GABRG2: variants seen among roughly 807,000 people sequenced by gnomAD.
GABRG2 encodes the protein gamma-aminobutyric acid type A receptor subunit gamma2.
GABRG2 carries 16 observed loss-of-function variants against 56.4 expected under a neutral mutation model. The ratio of observed to expected loss-of-function variants is 0.28; its 90% CI spans 0.19 to 0.43. GABRG2 has a LOEUF of 0.43. GABRG2 is among the 20% of genes least tolerant of loss of function. The pLI, the probability that GABRG2 is intolerant of heterozygous loss-of-function variation, is 1.00. For missense variants in GABRG2, 327 were observed against 582.7 expected, an observed-to-expected ratio of 0.56 and a Z score of 4.52; for synonymous variants, 208 against 205.5, an observed-to-expected ratio of 1.01 and a Z score of -0.10.
chr5:162,114,428 A>G (rs553037619), intron 6 of GABRG2, among the ~76,000 whole-genome samples: 7 of 152,028 alleles, frequency 4.6e-5, no homozygotes, highest in Non-Finnish European at 8.8e-5. Flanking sequence ...ATAAAAGATA[A>G]TGGGAGGCTG....
intron 6 of GABRG2, among the ~76,000 whole-genome samples, chr5:162,140,716 A>G (rs1484708953): frequency 1.3e-5 from 2 of 152,242 alleles, no homozygotes; most frequent in African/African-American, 2.4e-5. Flanking sequence ...TTCATCTCAC[A>G]TTGTGAGTGC....
chr5:162,149,451 A>G (rs1765202351), intron 8 of GABRG2, 138 bp downstream of exon 8: 4 of 782,746 alleles, frequency 5.1e-6, no homozygotes, highest in Non-Finnish European at 8.8e-6. Context: ...TAGCCAGGCC[A>G]TAACGATTCA....
In GABRG2 at chr5:162,154,096, C is replaced by G. The variant is rs1305466300; in HGVS notation, c.*728C>G. 1 of 152,376 alleles carries G rather than the reference C, an allele frequency of 6.6e-6. No individual in the cohort carries two copies. The highest frequency in any genetic ancestry group is 1.5e-5 in the Non-Finnish European group (1 of 68,170). The allele number at this position is 152,376 out of a possible 1,614,324, so 9.4% of individuals were successfully genotyped here. On this transcript the variant is annotated 3_prime_UTR_variant, in exon 10 of 10. Coordinates refer to ENST00000639213, the MANE Select transcript of GABRG2 (RefSeq NM_198904.4). ...GAGGAATTTTCATTGCCTTCTCCCT[C>G]ATGCATGAAGATTCGAACAGCTTAT...
chr5:162,109,424 T>TATATA (rs1581377391), intron 6 of GABRG2, among the ~76,000 whole-genome samples: 22 of 87,734 alleles, frequency 2.5e-4, no homozygotes, highest in East Asian at 2.4e-3. Flanking sequence ...ATATATATAT[T>TATATA]TATTTATATA....
intron 2 of GABRG2, chr5:162,094,598 C>G (rs1760861322): frequency 6.5e-6 from 1 of 154,138 alleles, no homozygotes; most frequent in Non-Finnish European, 1.4e-5. Context: ...GGCACACTCG[C>G]TTTTGTATAT....
At chr5:162,076,457 C>G (rs1249990605) in intron 1 of GABRG2, among the ~76,000 whole-genome samples, 2 of 151,944 alleles carry the variant, frequency 1.3e-5, no homozygotes, top group African/African-American at 2.4e-5. Context: ...GGTAGAGGTC[C>G]CTGAATTTTG....
intron 6 of GABRG2, among the ~76,000 whole-genome samples, chr5:162,131,107 G>A (rs932409300): frequency 3.3e-5 from 5 of 151,912 alleles, no homozygotes; most frequent in Admixed American, 6.6e-5. Flanking sequence ...CTTCTAAAAG[G>A]GTGTATATTT....
chr5:162,117,111 T>C lies in GABRG2; in HGVS notation c.769+13085T>C, dbSNP rs1405116937. Among the ~76,000 whole-genome samples the C allele has an allele frequency of 2.0e-5, 3 of 152,174 alleles. 1 individual carries two copies. The highest frequency in any genetic ancestry group is 7.2e-5 in the African/African-American group (3 of 41,458). ...CAGTGACCTATAGCATGATTTCTAA[T>C]TTATGTAAAATTGGTTTCAGAAGAG... On this transcript the variant is annotated intron_variant, in intron 6 of 9. Coordinates refer to ENST00000639213, the MANE Select transcript of GABRG2 (RefSeq NM_198904.4).
chr5:162,101,535 G>C (rs1358695398), intron 5 of GABRG2: 4 of 563,908 alleles, frequency 7.1e-6, no homozygotes, highest in African/African-American at 5.7e-5. Context: ...AATTACAATA[G>C]GTTTCCTTGA....
At chr5:162,083,678 G>C (rs549288281) in intron 1 of GABRG2, 2 of 154,818 alleles carry the variant, frequency 1.3e-5, no homozygotes, top group Admixed American at 1.3e-4. Flanking sequence ...TTTTTTCCTA[G>C]CTGTTCAGGT....
intron 6 of GABRG2, among the ~76,000 whole-genome samples, chr5:162,138,375 T>G (rs1335457352): frequency 6.6e-6 from 1 of 152,166 alleles, no homozygotes; most frequent in Non-Finnish European, 1.5e-5. Flanking sequence ...ATGTCCCCAA[T>G]TCAAGTGTTT....
intron 1 of GABRG2, among the ~76,000 whole-genome samples, chr5:162,083,925 AT>A (rs2113217931): frequency 6.6e-6 from 1 of 151,996 alleles, no homozygotes; most frequent in Admixed American, 6.6e-5. Context: ...TTTCAGTAAA[AT>A]TATTTTATTT....
intron 1 of GABRG2, among the ~76,000 whole-genome samples, chr5:162,076,840 T>C (rs1207818944): frequency 6.6e-6 from 1 of 152,148 alleles, no homozygotes; most frequent in Admixed American, 6.5e-5. Context: ...CTCATACATC[T>C]GATCATATAA....
chr5:162,114,189 T>C (rs1435460520), intron 6 of GABRG2, among the ~76,000 whole-genome samples: 2 of 152,178 alleles, frequency 1.3e-5, no homozygotes, highest in African/African-American at 4.8e-5. Flanking sequence ...AGCTGAATTA[T>C]CACCTGTCTC....
chr5:162,126,566 C>A (rs184618881), intron 6 of GABRG2, among the ~76,000 whole-genome samples: 72 of 152,052 alleles, frequency 4.7e-4, no homozygotes, highest in African/African-American at 1.5e-3. Flanking sequence ...GGTAGATGGC[C>A]TAGGAAATGC....
chr5:162,100,775 A>G (rs73314614), intron 4 of GABRG2, among the ~76,000 whole-genome samples: 2,157 of 152,270 alleles, frequency 0.014, 52 homozygotes, highest in African/African-American at 0.049. Context: ...ACCTTTAGCA[A>G]TTAAAGCTAA....
intron 1 of GABRG2, among the ~76,000 whole-genome samples, chr5:162,074,395 T>C (rs2113135587): frequency 6.6e-6 from 1 of 152,092 alleles, no homozygotes; most frequent in South Asian, 2.1e-4. Context: ...AAAACAAGGG[T>C]TGTTTTAAAG....
At chr5:162,144,947 G>T (rs1468038515) in intron 7 of GABRG2, among the ~76,000 whole-genome samples, 4 of 152,180 alleles carry the variant, frequency 2.6e-5, no homozygotes, top group African/African-American at 7.2e-5. Context: ...CGTGACTTAG[G>T]AGTTAGGATT....
intron 3 of GABRG2, 76 bp from the exon 4 acceptor site, chr5:162,097,562 G>A: frequency 8.8e-7 from 1 of 1,136,940 alleles, no homozygotes; most frequent in Non-Finnish European, 1.3e-6. Flanking sequence ...AAAGAAAACA[G>A]GAATGAAATA....
Sources: allele counts gnomAD v4.1 joint callset (sites outside exome capture counted in the v4.1 genomes callset), GRCh38; gene constraint gnomAD v4.1.1; transcripts MANE v1.5; gene names NCBI Gene and HGNC (gene_info 2026-07-23, HGNC 2026-07-21).